The following PES1 variants were observed in gnomAD, a reference collection of about 807,000 sequenced individuals.
The protein encoded by PES1 is pescadillo homolog.
In PES1, 31 loss-of-function variants were observed where a neutral mutation model predicts 77.1. That is an observed-to-expected ratio of 0.40 (90% CI 0.30 to 0.54). The LOEUF (loss-of-function observed/expected upper bound fraction) is 0.54, where lower values mean the gene tolerates loss of function less well. Ranked by LOEUF, PES1 falls within the 20% of genes least tolerant of loss-of-function variation. PES1 has a pLI of 0.45. For missense variants in PES1, 658 were observed against 771.7 expected (o/e 0.85, Z 1.75); for synonymous variants, 282 against 303.0 (o/e 0.93, Z 0.72).
intron 6 of PES1, among the ~76,000 whole-genome samples, 158 bp from the exon 7 acceptor site, chr22:30,581,802 C>T (rs1396377699): frequency 6.6e-6 from 1 of 152,166 alleles, no homozygotes; most frequent in East Asian, 1.9e-4. Context: ...GAAGGGGTGG[C>T]ATGGATCTTC....
chr22:30,587,444 G>T, intron 3 of PES1, 49 bp from the exon 4 acceptor site: 1 of 1,411,120 alleles, frequency 7.1e-7, no homozygotes, highest in Non-Finnish European at 1.0e-6. Flanking sequence ...AGGTCTCCTG[G>T]ACAACTTCTT....
upstream of PES1, among the ~76,000 whole-genome samples, chr22:30,596,894 G>A (rs373767748): frequency 6.6e-6 from 1 of 152,194 alleles, no homozygotes; most frequent in East Asian, 1.9e-4. Flanking sequence ...GGCTGTGCGC[G>A]GCGCTTGCGG....
At chr22:30,604,913 T>G (rs973349341) in intron 2 of PES1, among the ~76,000 whole-genome samples, 7 of 152,184 alleles carry the variant, frequency 4.6e-5, no homozygotes, top group Non-Finnish European at 8.8e-5. Flanking sequence ...CTAAATGATG[T>G]AATCATTTTT....
Position 30,576,761 on chromosome 22 carries a change from T to C in PES1, c.*285A>G. 1 of 472,476 alleles carries C rather than the reference T, an allele frequency of 2.1e-6. No individual in the cohort carries two copies. The highest frequency in any genetic ancestry group is 3.0e-5 in the South Asian group (1 of 33,474). The allele number at this position is 472,476 out of a possible 1,614,324, so 29.3% of individuals were successfully genotyped here. On this transcript the variant is annotated 3_prime_UTR_variant, in exon 15 of 15. Transcript: ENST00000354694. ...AGCCAGGATGAATGGGGGCAGTAGG[T>C]AGGGGGCTGGGTGGGCCTCTGCACC...
rs757531007 is a variant in PES1, at chr22:30,584,606, C to T, written c.480G>A (p.Leu160=). The change falls in exon 5 of 15, where the codon CTG becomes CTA. Residue 160 remains leucine, a synonymous_variant. Coordinates refer to ENST00000354694, the MANE Select transcript of PES1 (RefSeq NM_014303.4). The part of the protein sequence containing the change: ...TGKCHVQTIQ[L]CRRLTVEFMH... ...TGAACTCCACAGTGAGCCGGCGGCA[C>T]AGCTGAATGGTCTGCACGTGGCACT... The T allele has an allele frequency of 2.5e-6, 4 of 1,613,646 alleles. No individual in the cohort carries two copies. Among genetic ancestry groups the T allele is most frequent in the East Asian group, 2.2e-5 (1 of 44,852 alleles).
chr22:30,583,390 C>A (rs1306102961), intron 6 of PES1, among the ~76,000 whole-genome samples: 1 of 152,238 alleles, frequency 6.6e-6, no homozygotes, highest in African/African-American at 2.4e-5. Flanking sequence ...CCAGCTCCCC[C>A]TGGAGCCCCT....
At chr22:30,601,321 T>A (rs1193169676) in intron 2 of PES1, among the ~76,000 whole-genome samples, 1 of 149,228 alleles carries the variant, frequency 6.7e-6, no homozygotes, top group Non-Finnish European at 1.5e-5. Context: ...TTGATCTAAT[T>A]TTTTTTTTTT....
chr22:30,581,495 C>T (rs573522625), intron 7 of PES1, 33 bp downstream of exon 7: 34 of 1,605,938 alleles, frequency 2.1e-5, no homozygotes, highest in African/African-American at 5.3e-5. Context: ...GGCCCCTGCA[C>T]GGCGAGCAGA....
chr22:30,584,623 C>T lies in PES1; in HGVS notation c.463G>A (p.Val155Met), dbSNP rs142150429. The T allele has an allele frequency of 2.4e-5, 38 of 1,613,830 alleles. No individual in the cohort carries two copies. The African/African-American group carries it at 3.3e-4, about 14-fold the overall frequency. The change falls in exon 5 of 15, where the codon GTG (valine) becomes ATG (methionine). Residue 155 changes from valine to methionine, a missense_variant. Transcript: ENST00000354694. ...CGGCGGCACAGCTGAATGGTCTGCA[C>T]GTGGCACTTGCCAGTCCGCGGGAAG... The part of the protein sequence containing the change: ...STFPRTGKCH[V>M]QTIQLCRRLT...
At chr22:30,584,949 C>G (rs1040521724) in intron 4 of PES1, among the ~76,000 whole-genome samples, 3 of 152,150 alleles carry the variant, frequency 2.0e-5, no homozygotes, top group African/African-American at 4.8e-5. Context: ...CGATGGGGGT[C>G]CTCAAGACAC....
At chr22:30,601,649 A>AAT (rs1259300526) in intron 2 of PES1, among the ~76,000 whole-genome samples, 1 of 151,918 alleles carries the variant, frequency 6.6e-6, no homozygotes, top group Non-Finnish European at 1.5e-5. Flanking sequence ...TGGCTCACTT[A>AAT]GTTTTATCAC....
At chr22:30,592,439 A>G (rs1257295874), upstream of PES1, 1 of 982,238 alleles carries the variant, frequency 1.0e-6, no homozygotes, top group Non-Finnish European at 1.2e-6. Flanking sequence ...TCGCGGAGGT[A>G]TAGAGATCCT....
In PES1 at chr22:30,581,035, C is replaced by T. The variant is rs2086977277; in HGVS notation, c.889G>A (p.Val297Met). The T allele has an allele frequency of 6.2e-7, 1 of 1,612,704 alleles. No individual in the cohort carries two copies. Among genetic ancestry groups the T allele is most frequent in the Non-Finnish European group, 8.5e-7 (1 of 1,179,718 alleles). ...ACCCCATCGGTGGGAAACTCATCCA[C>T]CTCGGCCTCCTCCTCTGTGGCAGGC... ...VVPATEEEAE[V>M]DEFPTDGEMS... is the part of the protein sequence containing the mutation. Residue 297 changes from valine (V) to methionine (M), a missense_variant, in exon 9 of 15, where the codon GTG becomes ATG. Physicochemically the swap from Val to Met is conservative, Grantham distance 21. Coordinates refer to ENST00000354694, the MANE Select transcript of PES1 (RefSeq NM_014303.4).
chr22:30,580,840 C>T (rs2086973401), intron 9 of PES1, 139 bp from the exon 10 acceptor site: 2 of 1,366,252 alleles, frequency 1.5e-6, no homozygotes, highest in Admixed American at 1.9e-5. Context: ...GGCCCCACTC[C>T]TGAGCTCTGT....
intron 2 of PES1, among the ~76,000 whole-genome samples, chr22:30,599,909 G>GA: frequency 6.6e-6 from 1 of 151,862 alleles, no homozygotes; most frequent in East Asian, 1.9e-4. Context: ...AAAACAAAAA[G>GA]AAAATGAAAG....
At chr22:30,601,686 G>GCA (rs1569033286) in intron 2 of PES1, 1 of 151,764 alleles carries the variant, frequency 6.6e-6, no homozygotes, top group Non-Finnish European at 1.5e-5. Context: ...ATATTTCATT[G>GCA]TATAGATGTA....
At chr22:30,587,126 T>C in intron 4 of PES1, 160 bp downstream of exon 4, 1 of 618,594 alleles carries the variant, frequency 1.6e-6, no homozygotes, top group South Asian at 2.0e-5. Flanking sequence ...TCGTAATCAT[T>C]ATAGTAATTT....
At chr22:30,577,217 C>T in intron 14 of PES1, 88 bp from the exon 15 acceptor site, 1 of 1,124,824 alleles carries the variant, frequency 8.9e-7, no homozygotes, top group Non-Finnish European at 1.3e-6. Context: ...CCCTTAAAAG[C>T]AGAGCTTCAA....
intron 2 of PES1, 118 bp downstream of exon 2, chr22:30,589,073 A>T (rs2087136843): frequency 1.4e-6 from 1 of 693,290 alleles, no homozygotes; most frequent in Admixed American, 2.6e-5. Flanking sequence ...GGCGGTGAGA[A>T]AGAGAAGGAA....
Sources: allele counts gnomAD v4.1 joint callset (sites outside exome capture counted in the v4.1 genomes callset), GRCh38; gene constraint gnomAD v4.1.1; transcripts MANE v1.5; gene names NCBI Gene and HGNC (gene_info 2026-07-23, HGNC 2026-07-21).